The following RNF13 variants were observed in gnomAD, a reference collection of about 807,000 sequenced individuals.
RNF13 encodes E3 ubiquitin-protein ligase RNF13.
A neutral mutation model predicts 37.7 loss-of-function variants in RNF13; 19 were observed. The observed-to-expected ratio is 0.50, with a 90% CI of 0.35 to 0.74. The LOEUF (loss-of-function observed/expected upper bound fraction) is 0.74. RNF13 is among the 30% of genes least tolerant of loss of function. The probability of loss-of-function intolerance (pLI) is 0.01; values close to 1 mark genes in which losing one functional copy is unlikely to be tolerated. For missense variants in RNF13, 375 were observed against 453.0 expected, an observed-to-expected ratio of 0.83 and a Z score of 1.56; for synonymous variants, 144 against 157.8, an observed-to-expected ratio of 0.91 and a Z score of 0.65.
chr3:149,939,847 G>A (rs895765651), intron 8 of RNF13: 3 of 495,868 alleles, frequency 6.0e-6, no homozygotes, highest in Admixed American at 4.8e-5. Context: ...AGAGATAAAC[G>A]ACTGCTGCTC....
chr3:149,832,647 G>A (rs936830370), intron 1 of RNF13, among the ~76,000 whole-genome samples: 1 of 152,116 alleles, frequency 6.6e-6, no homozygotes, highest in Non-Finnish European at 1.5e-5. Flanking sequence ...TCATTATAGT[G>A]ACTAAAGAAA....
At chr3:149,901,783 A>T (rs913156827) in intron 5 of RNF13, among the ~76,000 whole-genome samples, 32 of 152,332 alleles carry the variant, frequency 2.1e-4, no homozygotes, top group Admixed American at 3.3e-4. Context: ...ATGTCTAGAG[A>T]GGAAGAAATC....
chr3:149,958,185 T>G (rs1356244345), intron 8 of RNF13, among the ~76,000 whole-genome samples: 1 of 152,212 alleles, frequency 6.6e-6, no homozygotes, highest in Non-Finnish European at 1.5e-5. Context: ...AAAAGCTTAA[T>G]GCCCTAAAAC....
chr3:149,929,027 C>T (rs1050383621), intron 8 of RNF13, among the ~76,000 whole-genome samples: 1 of 152,130 alleles, frequency 6.6e-6, no homozygotes, highest in Non-Finnish European at 1.5e-5. Context: ...GATCTTATAA[C>T]CTACAACTTT....
chr3:149,947,211 G>A (rs1037648655), intron 8 of RNF13, among the ~76,000 whole-genome samples: 1 of 151,898 alleles, frequency 6.6e-6, no homozygotes, highest in African/African-American at 2.4e-5. Flanking sequence ...TATTACATGT[G>A]CGTTTGAGAA....
chr3:149,952,368 T>C (rs966364909), intron 8 of RNF13, among the ~76,000 whole-genome samples: 1 of 152,060 alleles, frequency 6.6e-6, no homozygotes, highest in Non-Finnish European at 1.5e-5. Context: ...TAGAAGCAAT[T>C]GGGCTTTATG....
chr3:149,943,956 T>G (rs1292267420), intron 8 of RNF13, among the ~76,000 whole-genome samples: 1 of 151,926 alleles, frequency 6.6e-6, no homozygotes, highest in Non-Finnish European at 1.5e-5. Context: ...ATGCTATCCC[T>G]CCCCCTCCCC....
At chr3:149,882,592 C>T (rs777756402) in intron 4 of RNF13, among the ~76,000 whole-genome samples, 1 of 152,032 alleles carries the variant, frequency 6.6e-6, no homozygotes, top group South Asian at 2.1e-4. Context: ...AGCATGAAAA[C>T]AGATCTTTTG....
chr3:149,866,128 G>A (rs1200680698), intron 3 of RNF13, among the ~76,000 whole-genome samples: 2 of 152,060 alleles, frequency 1.3e-5, no homozygotes, highest in African/African-American at 4.8e-5. Context: ...ATAGGAAAGG[G>A]ATCCTGATCC....
intron 1 of RNF13, among the ~76,000 whole-genome samples, chr3:149,838,572 G>A (rs551770583): frequency 3.9e-5 from 6 of 152,318 alleles, no homozygotes; most frequent in African/African-American, 1.2e-4. Flanking sequence ...TGAAGCCAGG[G>A]CCCAAACTGT....
chr3:149,949,797 G>T (rs1721138402), intron 8 of RNF13, among the ~76,000 whole-genome samples: 1 of 143,292 alleles, frequency 7.0e-6, no homozygotes, highest in South Asian at 2.2e-4. Flanking sequence ...TATCCTGCTT[G>T]GTGTTCTCTT....
At chr3:149,920,351 T>G (rs140848575) in intron 7 of RNF13, among the ~76,000 whole-genome samples, 210 of 152,266 alleles carry the variant, frequency 1.4e-3, no homozygotes, top group African/African-American at 3.7e-3. Context: ...TTCTCACACT[T>G]CAGCCGCCCA....
At chr3:149,923,460 G>T (rs1395458243) in intron 8 of RNF13, among the ~76,000 whole-genome samples, 1 of 151,866 alleles carries the variant, frequency 6.6e-6, no homozygotes, top group Non-Finnish European at 1.5e-5. Context: ...GCTTCATTTT[G>T]TGTGTTTAAA....
chr3:149,912,905 T>C (rs1717135339), intron 7 of RNF13, among the ~76,000 whole-genome samples: 1 of 152,136 alleles, frequency 6.6e-6, no homozygotes, highest in Admixed American at 6.5e-5. Context: ...TTCTATAGGC[T>C]ACATGATGTG....
At chr3:149,928,250 A>G (rs1001939583) in intron 8 of RNF13, among the ~76,000 whole-genome samples, 2 of 152,068 alleles carry the variant, frequency 1.3e-5, no homozygotes, top group Non-Finnish European at 2.9e-5. Flanking sequence ...ACACTGTCAA[A>G]TCTAAGGTCA....
At chr3:149,915,658 A>T (rs1559948400) in intron 7 of RNF13, among the ~76,000 whole-genome samples, 1 of 152,246 alleles carries the variant, frequency 6.6e-6, no homozygotes, top group Non-Finnish European at 1.5e-5. Context: ...ATGGAATATT[A>T]TTCAGTGTTA....
intron 1 of RNF13, among the ~76,000 whole-genome samples, chr3:149,828,931 A>C (rs1720763824): frequency 6.6e-6 from 1 of 152,170 alleles, no homozygotes; most frequent in Admixed American, 6.5e-5. Context: ...TGATATACTG[A>C]ACTAAAAATG....
chr3:149,914,828 C>T (rs1717343548), intron 7 of RNF13, among the ~76,000 whole-genome samples: 3 of 152,060 alleles, frequency 2.0e-5, no homozygotes, highest in Non-Finnish European at 4.4e-5. Context: ...ATCCCAGCTA[C>T]TCGGGAGGCT....
intron 7 of RNF13, among the ~76,000 whole-genome samples, chr3:149,919,279 G>T (rs1178094432): frequency 6.6e-6 from 1 of 152,062 alleles, no homozygotes; most frequent in Non-Finnish European, 1.5e-5. Context: ...ATATGTAACA[G>T]ATATGTATGT....
Sources: allele counts gnomAD v4.1 joint callset (sites outside exome capture counted in the v4.1 genomes callset), GRCh38; gene constraint gnomAD v4.1.1; transcripts MANE v1.5; gene names NCBI Gene and HGNC (gene_info 2026-07-23, HGNC 2026-07-21).